The following CHRNA2 variants were observed in gnomAD, a reference collection of about 807,000 sequenced individuals.
CHRNA2 encodes the protein cholinergic receptor nicotinic alpha 2 subunit.
A neutral mutation model predicts 45.5 loss-of-function variants in CHRNA2; 40 were observed. The observed-to-expected ratio is 0.88, with a 90% CI of 0.68 to 1.15. CHRNA2 has a LOEUF of 1.15. CHRNA2 is among the 50% of genes most tolerant of loss of function. The pLI is 0.00. For missense variants in CHRNA2, 655 were observed against 701.7 expected (o/e 0.93, Z 0.75); for synonymous variants, 301 against 296.7 (o/e 1.01, Z -0.15).
intron 3 of CHRNA2, 139 bp from the exon 4 acceptor site, chr8:27,469,518 G>T: frequency 2.1e-6 from 2 of 967,234 alleles, no homozygotes; most frequent in Non-Finnish European, 1.6e-6. Flanking sequence ...TCTGAAACCT[G>T]CCACCCTTAC....
At position 27,462,978 on chromosome 8, in the gene CHRNA2, C is replaced by G; in HGVS notation, c.1464+1G>C. The G allele has an allele frequency of 6.2e-7, 1 of 1,614,054 alleles. No homozygotes were observed. Reference sequence around the variant, plus strand: ...TGGCGCCTCTCCCAACCCCAACGCACCGAAGAGTCAGCATCCTCAGACCGC... The same window carrying G: ...TGGCGCCTCTCCCAACCCCAACGCAGCGAAGAGTCAGCATCCTCAGACCGC... On this transcript the variant is annotated splice_donor_variant, in intron 6 of 6. Transcript: ENST00000407991. LOFTEE classifies it high-confidence loss of function.
At chr8:27,473,218 C>T (rs1812945364) in intron 1 of CHRNA2, among the ~76,000 whole-genome samples, 1 of 152,050 alleles carries the variant, frequency 6.6e-6, no homozygotes, top group Non-Finnish European at 1.5e-5. Context: ...AGGGAGATAA[C>T]AAAGGCTCTC....
chr8:27,471,324 C>T, intron 1 of CHRNA2, 130 bp from the exon 2 acceptor site: 7 of 424,464 alleles, frequency 1.6e-5, no homozygotes, highest in South Asian at 1.1e-4. Flanking sequence ...CAGTTAAGTG[C>T]TCCTGGGCTC....
At chr8:27,478,437 A>G (rs779417106) in intron 1 of CHRNA2, among the ~76,000 whole-genome samples, 9 of 152,258 alleles carry the variant, frequency 5.9e-5, no homozygotes, top group Non-Finnish European at 1.2e-4. Context: ...GAACCTTGGA[A>G]GGTATTTACC....
At chr8:27,466,630 T>C (rs1198482242) in intron 5 of CHRNA2, among the ~76,000 whole-genome samples, 1 of 152,264 alleles carries the variant, frequency 6.6e-6, no homozygotes, top group African/African-American at 2.4e-5. Context: ...GGAAGAATTG[T>C]CTGATACCAA....
chr8:27,472,014 C>T (rs1050728715), intron 1 of CHRNA2, among the ~76,000 whole-genome samples: 2 of 152,176 alleles, frequency 1.3e-5, no homozygotes, highest in African/African-American at 4.8e-5. Flanking sequence ...AATCGTGCTG[C>T]ATAATGAGGC....
At chr8:27,467,401 C>T (rs1812733270) in intron 4 of CHRNA2, 63 bp from the exon 5 acceptor site, 1 of 1,331,690 alleles carries the variant, frequency 7.5e-7, no homozygotes. Context: ...GCAAAGCTAG[C>T]ACACCCCGGG....
intron 5 of CHRNA2, among the ~76,000 whole-genome samples, chr8:27,465,091 A>G (rs918245843): frequency 6.6e-6 from 1 of 152,228 alleles, no homozygotes; most frequent in Non-Finnish European, 1.5e-5. Flanking sequence ...AGAGGGTCAC[A>G]CAGGGACAGA....
intron 4 of CHRNA2, among the ~76,000 whole-genome samples, chr8:27,468,688 C>T (rs138369521): frequency 4.1e-4 from 63 of 152,320 alleles, no homozygotes; most frequent in African/African-American, 1.3e-3. Flanking sequence ...TTCCAGACAT[C>T]CCTGCTAAGG....
At chr8:27,467,428 C>T (rs1460820024) in intron 4 of CHRNA2, 90 bp from the exon 5 acceptor site, 2 of 1,008,008 alleles carry the variant, frequency 2.0e-6, no homozygotes, top group Non-Finnish European at 3.1e-6. Flanking sequence ...CAGAATTGGG[C>T]CAAGCAGCCC....
intron 2 of CHRNA2, 45 bp downstream of exon 2, chr8:27,470,941 C>T (rs1454752079): frequency 1.3e-6 from 2 of 1,593,788 alleles, no homozygotes; most frequent in Admixed American, 1.7e-5. Flanking sequence ...TGTGAGCCCA[C>T]AGGCATGAGA....
At chr8:27,464,922 A>C (rs1812651295) in intron 5 of CHRNA2, among the ~76,000 whole-genome samples, 1 of 152,200 alleles carries the variant, frequency 6.6e-6, no homozygotes, top group Non-Finnish European at 1.5e-5. Context: ...TCAGGCAGGC[A>C]GTTGGCAACA....
Position 27,478,892 on chromosome 8 carries a change from C to A in CHRNA2, c.-205G>T, listed in dbSNP as rs374864711. The stretch of plus-strand genomic sequence containing the variant: ...ACCAGCCTGGCTTGGAGATTCTGGG[C>A]AGCTGACAAAAGTCACCCCAGAAAT... On this transcript the variant is annotated 5_prime_UTR_variant, in exon 1 of 7. Transcript: ENST00000407991. The A allele has an allele frequency of 6.6e-6, 1 of 152,218 alleles. No homozygotes were observed. The highest frequency in any genetic ancestry group is 2.4e-5 in the African/African-American group (1 of 41,434). 9.4% of individuals were successfully genotyped at this position (152,218 alleles called of 1,614,324 possible).
intron 1 of CHRNA2, among the ~76,000 whole-genome samples, chr8:27,473,567 C>T (rs1407300382): frequency 3.7e-5 from 5 of 135,384 alleles, no homozygotes; most frequent in Non-Finnish European, 7.8e-5. Context: ...ATTAGCTGGG[C>T]ATAGTGGTGC....
In CHRNA2 at chr8:27,469,957, G is replaced by A. The variant is rs775319340; in HGVS notation, c.98C>T (p.Pro33Leu). The A allele has an allele frequency of 1.2e-6, 2 of 1,613,776 alleles. No homozygotes were observed. The highest frequency in any genetic ancestry group is 2.7e-5 in the African/African-American group (2 of 74,940). Residue 33 changes from proline to leucine, a missense_variant, in exon 3 of 7, where the codon CCT becomes CTT. Physicochemically the swap from Pro to Leu is moderately conservative, Grantham distance 98. Coordinates refer to ENST00000407991, the MANE Select transcript of CHRNA2 (RefSeq NM_000742.4). ...PAGGEEAKRP[P>L]PRAPGDPLSS... is the part of the protein sequence containing the mutation. ...GAGTGGGTCTCCAGGAGCCCTGGGA[G>A]GTGGGCGCTTAGCTTCCTCTCCACC...
exon 1 of CHRNA2, chr8:27,479,255 CACACACACAT>C (rs1349833594): frequency 7.3e-4 from 108 of 147,568 alleles, no homozygotes; most frequent in East Asian, 1.6e-3. Context: ...CTCTCACACA[CACACACACAT>C]ACACACACAC....
chr8:27,469,302 C>A, intron 4 of CHRNA2, 33 bp downstream of exon 4: 1 of 1,539,740 alleles, frequency 6.5e-7, no homozygotes, highest in East Asian at 2.5e-5. Flanking sequence ...TTCCCGGTAC[C>A]CGCCACCTGG....
Position 27,469,962 on chromosome 8 carries a change from G to A in CHRNA2, c.93C>T (p.Arg31=), listed in dbSNP as rs768021745. 10 of 1,613,650 alleles carry A rather than the reference G, an allele frequency of 6.2e-6. No homozygotes were observed. Among genetic ancestry groups the A allele is most frequent in the Non-Finnish European group, 8.5e-6 (10 of 1,179,930 alleles). The part of the protein sequence containing the change: ...LTPAGGEEAK[R]PPPRAPGDPL... Reference sequence around the variant, plus strand: ...GGTCTCCAGGAGCCCTGGGAGGTGGGCGCTTAGCTTCCTCTCCACCTGCCA... The same window carrying A: ...GGTCTCCAGGAGCCCTGGGAGGTGGACGCTTAGCTTCCTCTCCACCTGCCA... The change falls in exon 3 of 7, where the codon CGC becomes CGT. Residue 31 remains arginine (R), a synonymous_variant. Coordinates refer to ENST00000407991, the MANE Select transcript of CHRNA2 (RefSeq NM_000742.4).
At chr8:27,464,126 A>C in intron 5 of CHRNA2, 133 bp from the exon 6 acceptor site, 1 of 944,168 alleles carries the variant, frequency 1.1e-6, no homozygotes, top group East Asian at 2.6e-5. Context: ...TTATTTATGC[A>C]AGTGTGTAAG....
Sources: gnomAD v4.1 joint callset for allele counts (sites outside exome capture counted in the v4.1 genomes callset) on GRCh38, gnomAD v4.1.1 for gene constraint, MANE v1.5 for transcripts, NCBI Gene and HGNC (gene_info 2026-07-23, HGNC 2026-07-21) for gene names.